Variants in GABRB1 observed in about 807,000 individuals in gnomAD.
The protein encoded by GABRB1 is gamma-aminobutyric acid type A receptor subunit beta1.
Under a neutral mutation model 51.6 loss-of-function variants are expected in GABRB1, and 17 were observed. The observed-to-expected ratio is 0.33, with a 90% CI of 0.23 to 0.49. The LOEUF is 0.49. Ranked by LOEUF, GABRB1 falls within the 20% of genes least tolerant of loss-of-function variation. GABRB1 has a pLI of 0.99. For missense variants in GABRB1, 410 were observed against 600.6 expected, an observed-to-expected ratio of 0.68 and a Z score of 3.32; for synonymous variants, 247 against 218.9, an observed-to-expected ratio of 1.13 and a Z score of -1.14.
chr4:47,143,944 T>C (rs1560556003), intron 3 of GABRB1, among the ~76,000 whole-genome samples: 1 of 151,898 alleles, frequency 6.6e-6, no homozygotes, highest in Non-Finnish European at 1.5e-5. Flanking sequence ...CACCTAAAAC[T>C]ATCTCTACTC....
chr4:47,326,159 A>G (rs1725255865), intron 5 of GABRB1, among the ~76,000 whole-genome samples: 1 of 152,190 alleles, frequency 6.6e-6, no homozygotes. Flanking sequence ...TATGCTGTCT[A>G]TACTTCCTAC....
chr4:47,105,650 C>T (rs1714935263), intron 3 of GABRB1, among the ~76,000 whole-genome samples: 1 of 152,062 alleles, frequency 6.6e-6, no homozygotes, highest in African/African-American at 2.4e-5. Context: ...ATGTCTCTTC[C>T]TCTAGAATTT....
chr4:47,166,095 G>C (rs1180951353), intron 4 of GABRB1, among the ~76,000 whole-genome samples: 1 of 151,802 alleles, frequency 6.6e-6, no homozygotes, highest in Admixed American at 6.6e-5. Context: ...AAAAAAAAAT[G>C]GTTCCTCTTT....
At chr4:47,037,442 G>C (rs1725628783) in intron 3 of GABRB1, among the ~76,000 whole-genome samples, 1 of 151,964 alleles carries the variant, frequency 6.6e-6, no homozygotes, top group Non-Finnish European at 1.5e-5. Flanking sequence ...CTTAGGTTCT[G>C]GGTTACAATT....
At chr4:47,084,299 T>C (rs144451252) in intron 3 of GABRB1, among the ~76,000 whole-genome samples, 27 of 152,334 alleles carry the variant, frequency 1.8e-4, no homozygotes, top group Middle Eastern at 3.4e-3. Flanking sequence ...AAGCCATTTA[T>C]TGTCTTCTAA....
At chr4:47,253,368 A>T (rs1722066975) in intron 4 of GABRB1, among the ~76,000 whole-genome samples, 1 of 152,258 alleles carries the variant, frequency 6.6e-6, no homozygotes. Context: ...AGACTTTGTC[A>T]GTTGAAGAAA....
chr4:47,165,795 A>G lies in GABRB1; in HGVS notation c.461+4326A>G, dbSNP rs765307198. ...GGATTGCCTGCCAGCTCCTCCTCAC[A>G]TGACCTCTAGTTCATATCATTTGAT... On this transcript the variant is annotated intron_variant, in intron 4 of 8. Coordinates refer to ENST00000295454, the MANE Select transcript of GABRB1 (RefSeq NM_000812.4). Among the ~76,000 whole-genome samples, 4 of 152,126 alleles carry G rather than the reference A, an allele frequency of 2.6e-5. No individual in the cohort carries two copies. In the Middle Eastern group the frequency reaches 0.01, roughly 388 times the overall value.
intron 1 of GABRB1, among the ~76,000 whole-genome samples, chr4:47,012,297 G>T (rs896814403): frequency 6.6e-6 from 1 of 152,046 alleles, no homozygotes; most frequent in Non-Finnish European, 1.5e-5. Flanking sequence ...CATCACCCAG[G>T]TATTAAGCCT....
chr4:47,413,618 C>T (rs545477867), intron 8 of GABRB1, among the ~76,000 whole-genome samples: 1 of 152,146 alleles, frequency 6.6e-6, no homozygotes, highest in African/African-American at 2.4e-5. Context: ...CATCTGTGCC[C>T]TGGTCCCAGA....
At chr4:47,393,748 G>C (rs555061464) in intron 5 of GABRB1, among the ~76,000 whole-genome samples, 4 of 152,110 alleles carry the variant, frequency 2.6e-5, no homozygotes, top group Non-Finnish European at 5.9e-5. Context: ...TACCCATCTG[G>C]CCAAATCCTC....
intron 3 of GABRB1, among the ~76,000 whole-genome samples, chr4:47,110,326 G>T (rs2109625394): frequency 6.6e-6 from 1 of 151,986 alleles, no homozygotes; most frequent in Middle Eastern, 3.4e-3. Context: ...TACCTATTCA[G>T]CACTAAATGA....
chr4:47,123,274 T>C (rs1337103621), intron 3 of GABRB1, among the ~76,000 whole-genome samples: 1 of 142,462 alleles, frequency 7.0e-6, no homozygotes, highest in Admixed American at 7.6e-5. Flanking sequence ...TGTGTGTGTA[T>C]TTATACATAT....
chr4:47,288,325 C>T (rs188718977), intron 4 of GABRB1, among the ~76,000 whole-genome samples: 3,335 of 151,796 alleles, frequency 0.022, 38 homozygotes, highest in South Asian at 0.041. Context: ...TGCAGTGGCG[C>T]GATCTCGGCT....
chr4:47,372,628 G>A (rs538195173), intron 5 of GABRB1, among the ~76,000 whole-genome samples: 15 of 152,206 alleles, frequency 9.9e-5, no homozygotes, highest in Admixed American at 9.2e-4. Context: ...GAGTCAAGTC[G>A]GCTCTGTCAC....
chr4:47,051,540 C>A (rs1040965207), intron 3 of GABRB1, among the ~76,000 whole-genome samples: 2 of 152,110 alleles, frequency 1.3e-5, no homozygotes, highest in Admixed American at 1.3e-4. Flanking sequence ...ATTGCTTCTC[C>A]ACTTCCTCAT....
At chr4:47,381,530 A>C (rs934749650) in intron 5 of GABRB1, among the ~76,000 whole-genome samples, 26 of 152,086 alleles carry the variant, frequency 1.7e-4, no homozygotes, top group Non-Finnish European at 1.3e-4. Context: ...ACTCAGACAA[A>C]ATTATCTCTT....
At chr4:47,250,219 T>C (rs1721933285) in intron 4 of GABRB1, among the ~76,000 whole-genome samples, 1 of 152,192 alleles carries the variant, frequency 6.6e-6, no homozygotes, top group African/African-American at 2.4e-5. Flanking sequence ...ATGCTTAGTT[T>C]TGCTGGATAC....
chr4:47,256,849 T>C (rs1019733291), intron 4 of GABRB1, among the ~76,000 whole-genome samples: 3 of 152,192 alleles, frequency 2.0e-5, no homozygotes, highest in Non-Finnish European at 2.9e-5. Context: ...ACATTAGATT[T>C]GGACGTGGAC....
chr4:47,192,250 T>C (rs1719468282), intron 4 of GABRB1, among the ~76,000 whole-genome samples: 1 of 152,092 alleles, frequency 6.6e-6, no homozygotes, highest in African/African-American at 2.4e-5. Context: ...CCAAATATGT[T>C]GGCACTACCT....
Sources: allele counts gnomAD v4.1 joint callset (sites outside exome capture counted in the v4.1 genomes callset), GRCh38; gene constraint gnomAD v4.1.1; transcripts MANE v1.5; gene names NCBI Gene and HGNC (gene_info 2026-07-23, HGNC 2026-07-21).